SLC1A3: variants seen among roughly 807,000 people sequenced by gnomAD.
SLC1A3 encodes the protein solute carrier family 1 member 3, also known as excitatory amino acid transporter 1.
A neutral mutation model predicts 48.1 loss-of-function variants in SLC1A3; 21 were observed. That is an observed-to-expected ratio of 0.44 (90% CI 0.31 to 0.63). The LOEUF (loss-of-function observed/expected upper bound fraction) is 0.63. Among genes scored for constraint, SLC1A3 ranks in the 20% least tolerant of loss-of-function variants. SLC1A3 has a pLI of 0.08. For missense variants in SLC1A3, 546 were observed against 689.0 expected, an observed-to-expected ratio of 0.79 and a Z score of 2.32; for synonymous variants, 239 against 251.4, an observed-to-expected ratio of 0.95 and a Z score of 0.47.
chr5:36,674,955 C>G (rs753053801), intron 5 of SLC1A3, among the ~76,000 whole-genome samples: 1 of 152,118 alleles, frequency 6.6e-6, no homozygotes, highest in Admixed American at 6.6e-5. Flanking sequence ...TCACTTTAAC[C>G]TCACTTGAAT....
chr5:36,679,477 A>C, intron 6 of SLC1A3, 150 bp from the exon 7 acceptor site: 1 of 688,192 alleles, frequency 1.5e-6, no homozygotes, highest in Non-Finnish European at 2.7e-6. Flanking sequence ...TAAGAAAAGA[A>C]GTCCACAGTT....
chr5:36,679,878 G>A lies in SLC1A3; in HGVS notation c.1094+18G>A. The A allele has an allele frequency of 6.4e-7, 1 of 1,560,220 alleles. No individual in the cohort carries two copies. The highest frequency in any genetic ancestry group is 8.8e-7 in the Non-Finnish European group (1 of 1,131,146). Reference sequence around the variant, plus strand: ...TCTTCAAGGTATGTATGTATGTGTGGAAAATGAGTCTGAAATGTTACCTTG... The same window carrying A: ...TCTTCAAGGTATGTATGTATGTGTGAAAAATGAGTCTGAAATGTTACCTTG... On this transcript the variant is annotated intron_variant, in intron 7 of 9. Coordinates refer to ENST00000265113, the MANE Select transcript of SLC1A3 (RefSeq NM_004172.5).
intron 3 of SLC1A3, among the ~76,000 whole-genome samples, chr5:36,632,008 G>A (rs947183106): frequency 6.6e-6 from 1 of 152,224 alleles, no homozygotes; most frequent in South Asian, 2.1e-4. Context: ...TGGCCACGTG[G>A]GTGATGCATG....
chr5:36,678,990 A>G (rs1393246768), intron 6 of SLC1A3, among the ~76,000 whole-genome samples: 1 of 152,226 alleles, frequency 6.6e-6, no homozygotes, highest in Non-Finnish European at 1.5e-5. Context: ...TTACTTAAGT[A>G]AAAAAGGTGA....
At chr5:36,666,675 G>T (rs1741761956) in intron 3 of SLC1A3, among the ~76,000 whole-genome samples, 1 of 152,186 alleles carries the variant, frequency 6.6e-6, no homozygotes, top group Non-Finnish European at 1.5e-5. Context: ...ATGGAAACTT[G>T]GGAACTTGGC....
At chr5:36,680,127 C>T (rs1742378081) in intron 7 of SLC1A3, among the ~76,000 whole-genome samples, 2 of 152,182 alleles carry the variant, frequency 1.3e-5, no homozygotes, top group Admixed American at 1.3e-4. Flanking sequence ...GGAGAAGAGG[C>T]AGAGTGACTT....
chr5:36,659,807 T>A (rs1027094686), intron 3 of SLC1A3, among the ~76,000 whole-genome samples: 2 of 152,176 alleles, frequency 1.3e-5, no homozygotes, highest in Non-Finnish European at 2.9e-5. Flanking sequence ...ATCAAGAAGG[T>A]CCTTAATAAA....
chr5:36,615,212 C>T (rs548876031), intron 2 of SLC1A3, among the ~76,000 whole-genome samples: 1 of 152,144 alleles, frequency 6.6e-6, no homozygotes, highest in Non-Finnish European at 1.5e-5. Context: ...TCAACTAACT[C>T]GATTTTTATG....
chr5:36,677,831 C>A lies in SLC1A3; in HGVS notation c.860+647C>A, dbSNP rs557195458. Among the ~76,000 whole-genome samples, 3 of 152,182 alleles carry A rather than the reference C, an allele frequency of 2.0e-5. No individual in the cohort carries two copies. The East Asian group carries it at 5.8e-4, about 29-fold the overall frequency. ...AAAGCAAACGGAGAGGCCCCCTAGG[C>A]CATCAGGAAAACTGAGGGCTCCTCA... is the stretch of plus-strand genomic sequence containing the variant. On this transcript the variant is annotated intron_variant, in intron 6 of 9. Coordinates refer to ENST00000265113, the MANE Select transcript of SLC1A3 (RefSeq NM_004172.5).
At chr5:36,653,491 G>A (rs1741167880) in intron 3 of SLC1A3, among the ~76,000 whole-genome samples, 1 of 152,146 alleles carries the variant, frequency 6.6e-6, no homozygotes, top group Non-Finnish European at 1.5e-5. Flanking sequence ...TGGTAAACAC[G>A]CATGGGCAGA....
At chr5:36,638,344 C>T (rs1475175977) in intron 3 of SLC1A3, among the ~76,000 whole-genome samples, 1 of 152,212 alleles carries the variant, frequency 6.6e-6, no homozygotes, top group South Asian at 2.1e-4. Flanking sequence ...TTGCCTGCTG[C>T]TCTCCTGGCA....
At chr5:36,604,909 G>GT (rs924807431), upstream of SLC1A3, among the ~76,000 whole-genome samples, 3 of 63,310 alleles carry the variant, frequency 4.7e-5, no homozygotes, top group Non-Finnish European at 6.6e-5. Context: ...AAAGCGGTGG[G>GT]GGGGGGGGGT....
Position 36,608,430 on chromosome 5 carries a change from A to G in SLC1A3, c.7A>G (p.Lys3Glu), listed in dbSNP as rs201337391. The change falls in exon 2 of 10, where the codon AAA becomes GAA. Residue 3 changes from lysine (K) to glutamate (E), a missense_variant. By Grantham distance (56) the Lys-to-Glu change is moderately conservative (BLOSUM62 1). Transcript: ENST00000265113. MT[K>E]SNGEEPKMGG... ...CCTCCTAGAAAAGTAAAATATGACT[A>G]AAAGCAATGGAGAAGAGCCCAAGAT... The G allele has an allele frequency of 6.2e-7, 1 of 1,613,978 alleles. No individual in the cohort carries two copies. Among genetic ancestry groups the G allele is most frequent in the East Asian group, 2.2e-5 (1 of 44,886 alleles).
chr5:36,637,121 G>T (rs1023922103), intron 3 of SLC1A3, among the ~76,000 whole-genome samples: 1 of 152,130 alleles, frequency 6.6e-6, no homozygotes, highest in Non-Finnish European at 1.5e-5. Flanking sequence ...CATCTTGATT[G>T]CCTCTCCACC....
At chr5:36,634,526 T>C (rs951149405) in intron 3 of SLC1A3, among the ~76,000 whole-genome samples, 11 of 152,178 alleles carry the variant, frequency 7.2e-5, no homozygotes, top group African/African-American at 2.4e-5. Context: ...ATTCCTGCAG[T>C]GTCCCTTCCA....
At chr5:36,669,789 G>A (rs1035986540) in intron 3 of SLC1A3, 2 of 151,934 alleles carry the variant, frequency 1.3e-5, no homozygotes, top group Non-Finnish European at 2.9e-5. Context: ...ATTTTAATCA[G>A]TACTTTACCT....
At chr5:36,622,329 T>C (rs1294942959) in intron 2 of SLC1A3, among the ~76,000 whole-genome samples, 1 of 152,378 alleles carries the variant, frequency 6.6e-6, no homozygotes, top group African/African-American at 2.4e-5. Context: ...CCTCGTTTTC[T>C]GGAAGATTTG....
At position 36,634,101 on chromosome 5, in the gene SLC1A3, C is replaced by T. The variant is rs1447455336; in HGVS notation, c.319+4514C>T. On this transcript the variant is annotated intron_variant, in intron 3 of 9. Transcript: ENST00000265113. ...GACCAGCCTGGCCAACATGGTGAAA[C>T]CCCATCTCTACTAAAAATACAAAAA... Among the ~76,000 whole-genome samples, 3 of 151,984 alleles carry T rather than the reference C, an allele frequency of 2.0e-5. No homozygotes were observed. In the East Asian group the frequency reaches 5.8e-4, roughly 29 times the overall value.
chr5:36,598,685 G>A (rs189927196), intron 1 of SLC1A3, among the ~76,000 whole-genome samples: 4 of 152,214 alleles, frequency 2.6e-5, no homozygotes, highest in African/African-American at 9.6e-5. Context: ...GTAGTGGCAC[G>A]AACACAGCTC....
Sources: allele counts gnomAD v4.1 joint callset (sites outside exome capture counted in the v4.1 genomes callset), GRCh38; gene constraint gnomAD v4.1.1; transcripts MANE v1.5; gene names NCBI Gene and HGNC (gene_info 2026-07-23, HGNC 2026-07-21).